Variants in FNIP2 observed in about 807,000 individuals in gnomAD.
FNIP2 encodes the protein folliculin-interacting protein 2.
Under a neutral mutation model 108.7 loss-of-function variants are expected in FNIP2, and 32 were observed. The ratio of observed to expected loss-of-function variants is 0.29; its 90% CI spans 0.22 to 0.40. The LOEUF is 0.40. FNIP2 is among the 10% of genes least tolerant of loss of function. FNIP2 has a pLI of 1.00. For missense variants in FNIP2, 1,202 were observed against 1,381.6 expected (o/e 0.87, Z 2.06); for synonymous variants, 480 against 496.7 (o/e 0.97, Z 0.45).
At chr4:158,870,282 G>A (rs1478897410) in intron 13 of FNIP2, 31 bp from the exon 14 acceptor site, 7 of 1,601,968 alleles carry the variant, frequency 4.4e-6, no homozygotes, top group Non-Finnish European at 6.0e-6. Context: ...ATTTTTAGCT[G>A]TGCATTTTAA....
intron 14 of FNIP2, among the ~76,000 whole-genome samples, chr4:158,888,853 G>T (rs114399576): frequency 6.6e-6 from 1 of 151,000 alleles, no homozygotes; most frequent in African/African-American, 2.4e-5. Flanking sequence ...CATCACTCCT[G>T]GGCAACAGAA....
At chr4:158,837,567 A>G (rs1399985101) in intron 7 of FNIP2, among the ~76,000 whole-genome samples, 1 of 152,240 alleles carries the variant, frequency 6.6e-6, no homozygotes, top group African/African-American at 2.4e-5. Flanking sequence ...CAGATTCTAA[A>G]TTGCTCCTGA....
At chr4:158,801,134 T>C (rs1776747801) in intron 1 of FNIP2, among the ~76,000 whole-genome samples, 1 of 152,128 alleles carries the variant, frequency 6.6e-6, no homozygotes, top group Non-Finnish European at 1.5e-5. Context: ...TCACTCTGCC[T>C]AGGAGTCTTT....
chr4:158,851,187 G>T lies in FNIP2; in HGVS notation c.728-134G>T, dbSNP rs777011292. 3.2e-5 allele frequency: 33 copies of T among 1,018,218 alleles called. No individual in the cohort carries two copies. The African/African-American group carries it at 4.7e-4, about 14-fold the overall frequency. The allele number at this position is 1,018,218 out of a possible 1,614,324, so 63.1% of individuals were successfully genotyped here. ...TTTGTCATTTTTTTAGTGGCGAAGT[G>T]TACAGTTTAGTGATATTAAATACAT... On this transcript the variant is annotated intron_variant, in intron 7 of 16. Transcript: ENST00000264433.
At chr4:158,876,151 A>G (rs1448191668) in intron 14 of FNIP2, among the ~76,000 whole-genome samples, 4 of 152,298 alleles carry the variant, frequency 2.6e-5, no homozygotes, top group Admixed American at 6.5e-5. Flanking sequence ...CCCAACTCCA[A>G]TCTGAAATCA....
At position 158,769,146 on chromosome 4, in the gene FNIP2, C is replaced by A; in HGVS notation, c.-67C>A. The stretch of plus-strand genomic sequence containing the variant: ...GCGATGGCCCCGCCACCGCGGCCGC[C>A]GCCCCCGGCTGCGCGCTGAGCCGCC... On this transcript the variant is annotated 5_prime_UTR_variant, in exon 1 of 17. Coordinates refer to ENST00000264433, the MANE Select transcript of FNIP2 (RefSeq NM_020840.3). The A allele has an allele frequency of 1.3e-6, 1 of 760,780 alleles. No individual in the cohort carries two copies. Among genetic ancestry groups the A allele is most frequent in the Non-Finnish European group, 1.6e-6 (1 of 625,610 alleles). 47.1% of individuals were successfully genotyped at this position (760,780 alleles called of 1,614,324 possible).
rs570467629 is a variant in FNIP2 at position 158,832,079 on chromosome 4, A to G, written c.495A>G (p.Gln165=). Residue 165 remains glutamine, a synonymous_variant, in exon 5 of 17, where the codon CAA becomes CAG. Transcript: ENST00000264433. Reference sequence around the variant, plus strand: ...TTCCCCTCCACAGTTCTCCTCCACAACTGATGATTAGTAAAGTCTTCTCTG... The same window carrying G: ...TTCCCCTCCACAGTTCTCCTCCACAGCTGATGATTAGTAAAGTCTTCTCTG... The part of the protein sequence containing the change: ...LKIHYIRSPP[Q]LMISKVFSAR... The G allele has an allele frequency of 3.7e-6, 6 of 1,613,690 alleles. No individual in the cohort carries two copies. In the South Asian group the frequency reaches 4.4e-5, roughly 12 times the overall value.
chr4:158,783,296 A>G (rs1458049158), intron 1 of FNIP2, among the ~76,000 whole-genome samples: 2 of 152,210 alleles, frequency 1.3e-5, no homozygotes, highest in African/African-American at 2.4e-5. Context: ...AAGCATTGCC[A>G]TAGTGTTTTA....
chr4:158,804,211 G>A (rs899653893), intron 1 of FNIP2, among the ~76,000 whole-genome samples: 1 of 152,004 alleles, frequency 6.6e-6, no homozygotes, highest in African/African-American at 2.4e-5. Flanking sequence ...CAAAATGCTG[G>A]GATTATAGGT....
At chr4:158,879,303 G>A (rs1170239533) in intron 14 of FNIP2, among the ~76,000 whole-genome samples, 1 of 150,518 alleles carries the variant, frequency 6.6e-6, no homozygotes, top group African/African-American at 2.5e-5. Flanking sequence ...GATCTAACAG[G>A]AAATAGAAAT....
At chr4:158,785,854 G>A (rs1298349301) in intron 1 of FNIP2, among the ~76,000 whole-genome samples, 1 of 152,130 alleles carries the variant, frequency 6.6e-6, no homozygotes, top group African/African-American at 2.4e-5. Context: ...TGAAGGCAAA[G>A]TAATTTTCAT....
At chr4:158,829,903 A>G (rs11728672) in intron 3 of FNIP2, among the ~76,000 whole-genome samples, 44,233 of 152,156 alleles carry the variant, frequency 0.29, 7,178 homozygotes, top group Non-Finnish European at 0.38. Context: ...TGGAAAAACA[A>G]TACTAGGGAA....
intron 1 of FNIP2, among the ~76,000 whole-genome samples, chr4:158,800,479 G>T (rs572070738): frequency 6.6e-6 from 1 of 152,128 alleles, no homozygotes; most frequent in Non-Finnish European, 1.5e-5. Context: ...GTCAGAAATT[G>T]TTTTGCCTCT....
chr4:158,772,007 C>T (rs1469775322), intron 1 of FNIP2, among the ~76,000 whole-genome samples: 1 of 152,116 alleles, frequency 6.6e-6, no homozygotes, highest in Non-Finnish European at 1.5e-5. Context: ...CTTCATGTTT[C>T]CTGGCATTTC....
chr4:158,829,845 T>C (rs138516400), intron 3 of FNIP2, among the ~76,000 whole-genome samples: 408 of 152,294 alleles, frequency 2.7e-3, no homozygotes, highest in African/African-American at 9.4e-3. Context: ...ATGGAGGATA[T>C]ATTGAACTTT....
chr4:158,849,077 T>C (rs980567499), intron 7 of FNIP2, among the ~76,000 whole-genome samples: 1 of 152,222 alleles, frequency 6.6e-6, no homozygotes, highest in South Asian at 2.1e-4. Context: ...GGTATAGGAC[T>C]GGACCCCTTC....
At chr4:158,886,054 T>C (rs553450883) in intron 14 of FNIP2, among the ~76,000 whole-genome samples, 1 of 152,290 alleles carries the variant, frequency 6.6e-6, no homozygotes, top group Admixed American at 6.5e-5. Context: ...AATGGACCCA[T>C]CCTTAGAGGC....
rs753331741 is a variant in FNIP2 at position 158,859,603 on chromosome 4, C to A, written c.1085C>A (p.Ala362Glu). 8.1e-6 allele frequency: 13 copies of A among 1,613,232 alleles called. 1 individual carries two copies. In the South Asian group the frequency reaches 1.1e-4, roughly 14 times the overall value. Reference sequence around the variant, plus strand: ...GCTATGATCTCCTGTAGGAAAATAGCAGAATCAAGTCTCCGAGTCCAGTTT... The same window carrying A: ...GCTATGATCTCCTGTAGGAAAATAGAAGAATCAAGTCTCCGAGTCCAGTTT... ...EKAMISCRKIAESSLRVQFYV... is the reference protein window; with the variant it reads ...EKAMISCRKIEESSLRVQFYV... Residue 362 changes from alanine (A) to glutamate (E), a missense_variant, in exon 10 of 17, where the codon GCA (alanine) becomes GAA (glutamate). Physicochemically the swap from Ala to Glu is moderately radical, Grantham distance 107 (BLOSUM62 -1). Around this residue, in one of 5 missense-constraint regions of FNIP2, gnomAD observed 878 missense variants for 990.3 expected, o/e 0.89. Coordinates refer to ENST00000264433, the MANE Select transcript of FNIP2 (RefSeq NM_020840.3).
chr4:158,770,257 T>C lies in FNIP2; in HGVS notation c.107+938T>C, dbSNP rs371266923. On this transcript the variant is annotated intron_variant, in intron 1 of 16. Coordinates refer to ENST00000264433, the MANE Select transcript of FNIP2 (RefSeq NM_020840.3). The stretch of plus-strand genomic sequence containing the variant: ...AACTTTTAAAAGACGCCTTAAAATG[T>C]CCTATATTGCCTTTGAGCACAGGTA... 2.8e-4 allele frequency among the ~76,000 whole-genome samples: 43 copies of C among 152,306 alleles called. No homozygotes were observed. The East Asian group carries it at 8.3e-3, about 29-fold the overall frequency.
Sources: allele counts gnomAD v4.1 joint callset (sites outside exome capture counted in the v4.1 genomes callset), GRCh38; gene constraint gnomAD v4.1.1; regional missense constraint gnomAD v4.1.1; transcripts MANE v1.5; gene names NCBI Gene and HGNC (gene_info 2026-07-23, HGNC 2026-07-21).